The following ASCC3 variants were observed in gnomAD, a reference collection of about 807,000 sequenced individuals.
ASCC3 encodes activating signal cointegrator 1 complex subunit 3.
In ASCC3, 158 loss-of-function variants were observed where a neutral mutation model predicts 256.3. The observed-to-expected ratio is 0.62, with a 90% confidence interval of 0.54 to 0.70. The LOEUF is 0.70. Ranked by LOEUF, ASCC3 falls within the 30% of genes least tolerant of loss-of-function variation. ASCC3 has a pLI of 0.00. For synonymous variants in ASCC3, 948 were observed against 883.4 expected, an observed-to-expected ratio of 1.07 and a Z score of -1.30; for missense variants, 2,259 against 2,626.0, an observed-to-expected ratio of 0.86 and a Z score of 3.05.
chr6:100,681,725 CAAAAAAAA>C (rs10696130), intron 13 of ASCC3, among the ~76,000 whole-genome samples: 6 of 58,684 alleles, frequency 1.0e-4, no homozygotes, highest in Admixed American at 5.4e-4. Context: ...GACTCCGTCT[CAAAAAAAA>C]AAAAAAAAAA....
intron 30 of ASCC3, among the ~76,000 whole-genome samples, chr6:100,616,911 A>T (rs1384245952): frequency 6.6e-6 from 1 of 152,166 alleles, no homozygotes; most frequent in African/African-American, 2.4e-5. Flanking sequence ...AATGAAGTCT[A>T]ATCTTCAGCC....
At chr6:100,534,835 T>A (rs925080006) in intron 37 of ASCC3, among the ~76,000 whole-genome samples, 1 of 152,180 alleles carries the variant, frequency 6.6e-6, no homozygotes, top group African/African-American at 2.4e-5. Flanking sequence ...TACAACTATG[T>A]TTTTCTTTTG....
At chr6:100,629,920 CAG>C (rs1384904725) in intron 26 of ASCC3, among the ~76,000 whole-genome samples, 2 of 151,112 alleles carry the variant, frequency 1.3e-5, no homozygotes, top group Admixed American at 1.3e-4. Context: ...TTTTTTGAGA[CAG>C]AGTCTCATTT....
chr6:100,608,145 T>TGTATATA (rs769880521), intron 30 of ASCC3, among the ~76,000 whole-genome samples: 1 of 110,428 alleles, frequency 9.1e-6, no homozygotes, highest in African/African-American at 3.8e-5. Flanking sequence ...TGTATATATA[T>TGTATATA]CTATATATAC....
intron 40 of ASCC3, among the ~76,000 whole-genome samples, chr6:100,511,446 T>C (rs1773759375): frequency 6.6e-6 from 1 of 151,772 alleles, no homozygotes; most frequent in South Asian, 2.1e-4. Flanking sequence ...AAACCTCATA[T>C]TAAGGTCAGG....
chr6:100,684,106 A>T (rs1316766208), intron 13 of ASCC3, among the ~76,000 whole-genome samples: 2 of 152,220 alleles, frequency 1.3e-5, no homozygotes, highest in African/African-American at 4.8e-5. Flanking sequence ...CTTAAGTAAC[A>T]CATACTGTTT....
In ASCC3 at chr6:100,540,405, C is replaced by T. The variant is rs1175196655; in HGVS notation, c.5551-18G>A. The T allele has an allele frequency of 1.4e-6, 2 of 1,399,102 alleles. No homozygotes were observed. Among genetic ancestry groups the T allele is most frequent in the Non-Finnish European group, 2.0e-6 (2 of 988,756 alleles). The allele number at this position is 1,399,102 out of a possible 1,614,324, so 86.7% of individuals were successfully genotyped here. On this transcript the variant is annotated intron_variant, in intron 36 of 41. Coordinates refer to ENST00000369162, the MANE Select transcript of ASCC3 (RefSeq NM_006828.4). ...TCTGCATCCTGAAAAAAAAAAAAAG[C>T]CCCACATTGTTGGATCAAAGTATAA...
rs528531444 is a variant in ASCC3, at chr6:100,861,380, A to G, written c.241+2684T>C. Among the ~76,000 whole-genome samples the G allele has an allele frequency of 1.5e-4, 23 of 152,246 alleles. 1 individual carries two copies. The South Asian group carries it at 4.6e-3, about 30-fold the overall frequency. ...CGCATAGCCTTAAGTGTCTCATAAT[A>G]TTATACTCAAGTGAAATATTTTTTT... On this transcript the variant is annotated intron_variant, in intron 3 of 41. Coordinates refer to ENST00000369162, the MANE Select transcript of ASCC3 (RefSeq NM_006828.4).
intron 36 of ASCC3, among the ~76,000 whole-genome samples, chr6:100,575,570 T>C (rs954846112): frequency 3.3e-5 from 5 of 152,098 alleles, no homozygotes; most frequent in African/African-American, 9.7e-5. Context: ...GGAATAGTTC[T>C]ATTTACATTT....
Position 100,839,704 on chromosome 6 carries a change from T to C in ASCC3, c.801+8444A>G, listed in dbSNP as rs9498406. On this transcript the variant is annotated intron_variant, in intron 4 of 41. Transcript: ENST00000369162. Reference sequence around the variant, plus strand: ...AAAGGACTTTGAAAATTGAAAAGGTTTGACTGAGCTGAGATCTGTCCTTAC... The same window carrying C: ...AAAGGACTTTGAAAATTGAAAAGGTCTGACTGAGCTGAGATCTGTCCTTAC... 7.5e-3 allele frequency among the ~76,000 whole-genome samples: 1,140 copies of C among 152,298 alleles called. 16 individuals are homozygous for C. Among genetic ancestry groups the C allele is most frequent in the African/African-American group, 0.026 (1,069 of 41,568 alleles).
intron 10 of ASCC3, among the ~76,000 whole-genome samples, chr6:100,740,454 T>C (rs1476116363): frequency 1.3e-5 from 2 of 152,186 alleles, no homozygotes; most frequent in African/African-American, 4.8e-5. Context: ...CTGGTCCACT[T>C]GATCCAAACC....
rs1018271346 is a variant in ASCC3, at chr6:100,605,682, C to G, written c.5063G>C (p.Gly1688Ala). The part of the protein sequence containing the change: ...FPITDVLQMM[G>A]RAGRPQFDDQ... The stretch of plus-strand genomic sequence containing the variant: ...ATCGAACTGCGGCCTCCCAGCACGC[C>G]CCATCATCTGGAGGACATCTTTAAA... The change falls in exon 33 of 42, where the codon GGG becomes GCG. Residue 1688 changes from glycine (G) to alanine (A), a missense_variant. This residue lies in a region of ASCC3 where 1,839 missense variants were observed against 2,206.7 expected (regional missense o/e 0.83). Coordinates refer to ENST00000369162, the MANE Select transcript of ASCC3 (RefSeq NM_006828.4). 1.2e-6 allele frequency: 2 copies of G among 1,613,324 alleles called. No individual in the cohort carries two copies. Among genetic ancestry groups the G allele is most frequent in the South Asian group, 1.1e-5 (1 of 91,044 alleles).
chr6:100,859,739 T>G (rs1773133341), intron 3 of ASCC3, among the ~76,000 whole-genome samples: 1 of 152,016 alleles, frequency 6.6e-6, no homozygotes, highest in African/African-American at 2.4e-5. Flanking sequence ...GATGAAGTTA[T>G]TAAAGGTAAG....
In ASCC3 at chr6:100,629,056, T is replaced by G; in HGVS notation, c.4334A>C (p.Gln1445Pro). ...SRSWQNRNYV[Q>P]QVTILIIDEI... ...ATCTATGATGAGAATAGTGACTTGC[T>G]GAACATAGTTCCTATTTTGCCAGCT... Residue 1445 changes from glutamine (Q) to proline (P), a missense_variant, in exon 27 of 42, where the codon CAG becomes CCG. This residue lies in a region of ASCC3 where 1,839 missense variants were observed against 2,206.7 expected (regional missense o/e 0.83). Transcript: ENST00000369162. 1 of 1,613,824 alleles carries G rather than the reference T, an allele frequency of 6.2e-7. No individual in the cohort carries two copies. The highest frequency in any genetic ancestry group is 8.5e-7 in the Non-Finnish European group (1 of 1,179,866).
intron 3 of ASCC3, among the ~76,000 whole-genome samples, chr6:100,850,045 A>G (rs977533710): frequency 2.0e-5 from 3 of 146,480 alleles, no homozygotes; most frequent in Non-Finnish European, 4.5e-5. Flanking sequence ...GGTTGCAGTG[A>G]GCAGAGATAG....
intron 37 of ASCC3, among the ~76,000 whole-genome samples, chr6:100,530,045 A>G (rs1405308096): frequency 6.6e-6 from 1 of 151,226 alleles, no homozygotes; most frequent in African/African-American, 2.4e-5. Context: ...TTCTCCAAAT[A>G]TTCTGGTATA....
intron 2 of ASCC3, among the ~76,000 whole-genome samples, chr6:100,866,620 T>A (rs1264146744): frequency 1.3e-5 from 2 of 152,172 alleles, no homozygotes. Context: ...GGGACTTAAT[T>A]ATCTGATGGA....
intron 5 of ASCC3, among the ~76,000 whole-genome samples, chr6:100,804,512 CTG>C (rs1770071973): frequency 6.6e-6 from 1 of 151,958 alleles, no homozygotes; most frequent in Admixed American, 6.6e-5. Flanking sequence ...GAGAAAATAA[CTG>C]TATCTGACAA....
chr6:100,595,742 T>C lies in ASCC3; in HGVS notation c.5304-5683A>G, dbSNP rs552871766. Among the ~76,000 whole-genome samples, 20 of 152,294 alleles carry C rather than the reference T, an allele frequency of 1.3e-4. No homozygotes were observed. The South Asian group carries it at 4.1e-3, about 32-fold the overall frequency. ...ATTGGGAGCAAGTTGCTTATTCTCC[T>C]TGTGCTTCCTTTATTTATAAAATGA... is the stretch of plus-strand genomic sequence containing the variant. On this transcript the variant is annotated intron_variant, in intron 34 of 41. Coordinates refer to ENST00000369162, the MANE Select transcript of ASCC3 (RefSeq NM_006828.4).
Sources: gnomAD v4.1 joint callset for allele counts (sites outside exome capture counted in the v4.1 genomes callset) on GRCh38, gnomAD v4.1.1 for gene constraint, gnomAD v4.1.1 regional missense constraint, MANE v1.5 for transcripts, NCBI Gene and HGNC (gene_info 2026-07-23, HGNC 2026-07-21) for gene names.